PEX5L: variants seen among roughly 807,000 people sequenced by gnomAD.
PEX5L encodes peroxisomal biogenesis factor 5 like.
Under a neutral mutation model 84.0 loss-of-function variants are expected in PEX5L, and 30 were observed. That is an observed-to-expected ratio of 0.36 (90% CI 0.27 to 0.48). The LOEUF (loss-of-function observed/expected upper bound fraction) is 0.48. PEX5L is among the 20% of genes least tolerant of loss of function. PEX5L has a pLI of 0.99. For missense variants in PEX5L, 533 were observed against 754.6 expected (o/e 0.71, Z 3.44); for synonymous variants, 270 against 283.1 (o/e 0.95, Z 0.46).
chr3:179,899,834 GAT>G (rs1760712089), intron 2 of PEX5L, among the ~76,000 whole-genome samples: 1 of 152,080 alleles, frequency 6.6e-6, no homozygotes, highest in Non-Finnish European at 1.5e-5. Context: ...TTATTCAGCA[GAT>G]ATGTCAGTAG....
chr3:179,976,218 C>G (rs936119505), intron 1 of PEX5L, among the ~76,000 whole-genome samples: 13 of 152,158 alleles, frequency 8.5e-5, no homozygotes, highest in African/African-American at 3.1e-4. Context: ...TCAAAGGAAA[C>G]AGAGTTCTGA....
At chr3:179,845,236 A>AT (rs1163446060) in intron 8 of PEX5L, among the ~76,000 whole-genome samples, 4 of 152,116 alleles carry the variant, frequency 2.6e-5, no homozygotes, top group Non-Finnish European at 2.9e-5. Flanking sequence ...TTATTTATTC[A>AT]TTTTTTACTC....
At chr3:179,854,501 C>T (rs1163037438) in intron 8 of PEX5L, among the ~76,000 whole-genome samples, 1 of 152,168 alleles carries the variant, frequency 6.6e-6, no homozygotes, top group Non-Finnish European at 1.5e-5. Flanking sequence ...CTCTGACTGA[C>T]ATCAAGACCA....
chr3:179,916,061 T>C (rs1560688946), intron 2 of PEX5L, among the ~76,000 whole-genome samples: 2 of 152,192 alleles, frequency 1.3e-5, no homozygotes, highest in Non-Finnish European at 2.9e-5. Context: ...GTAGTAGTAA[T>C]GGTAGTAGTA....
chr3:179,859,243 C>A, intron 7 of PEX5L, 86 bp from the exon 8 acceptor site: 1 of 985,756 alleles, frequency 1.0e-6, no homozygotes, highest in South Asian at 1.4e-5. Context: ...TTTCCCATTT[C>A]ACTTCCCTAG....
chr3:179,894,115 T>A (rs532029690), intron 3 of PEX5L, among the ~76,000 whole-genome samples: 5 of 152,220 alleles, frequency 3.3e-5, no homozygotes, highest in Admixed American at 2.0e-4. Context: ...TTAGTCATAA[T>A]CTTATAATTG....
rs145598620 is a variant in PEX5L at position 179,878,377 on chromosome 3, G to T, written c.505+1552C>A. Among the ~76,000 whole-genome samples, 122 of 152,196 alleles carry T rather than the reference G, an allele frequency of 8.0e-4. 3 individuals are homozygous for T. The East Asian group carries it at 0.018, about 22-fold the overall frequency. On this transcript the variant is annotated intron_variant, in intron 5 of 14. Transcript: ENST00000467460. Reference sequence around the variant, plus strand: ...TTTCTCAATAAATCCACCAGAGAAGGATTTTTCTAAAATAGGAACTGTTGC... The same window carrying T: ...TTTCTCAATAAATCCACCAGAGAAGTATTTTTCTAAAATAGGAACTGTTGC...
intron 7 of PEX5L, among the ~76,000 whole-genome samples, chr3:179,871,012 C>G (rs1246806793): frequency 6.6e-6 from 1 of 151,738 alleles, no homozygotes; most frequent in Admixed American, 6.6e-5. Context: ...GGGTCTTCAC[C>G]TGTTGGGTCA....
intron 1 of PEX5L, among the ~76,000 whole-genome samples, chr3:180,005,260 A>ATT (rs150489637): frequency 1.3e-5 from 2 of 150,900 alleles, no homozygotes; most frequent in African/African-American, 4.9e-5. Context: ...AAAAGTTTTT[A>ATT]TTTTTTTTTG....
intron 1 of PEX5L, among the ~76,000 whole-genome samples, chr3:179,988,771 T>C (rs557447197): frequency 6.6e-5 from 10 of 152,318 alleles, no homozygotes; most frequent in Non-Finnish European, 8.8e-5. Context: ...TGAAGATACA[T>C]TTGTGGAGAC....
Position 179,880,098 on chromosome 3 carries a change from G to A in PEX5L, c.336C>T (p.Leu112=), listed in dbSNP as rs757126725. ...TAVLTTGLDL[L]DLSEPVSQTQ... ...TTTGAGAGACTGGTTCACTCAGGTC[G>A]AGGAGATCTAAGCCAGTGGTCAATA... The change falls in exon 5 of 15, where the codon CTC becomes CTT. Residue 112 remains leucine, a synonymous_variant. Transcript: ENST00000467460. 2.5e-6 allele frequency: 4 copies of A among 1,611,042 alleles called. No homozygotes were observed. The highest frequency in any genetic ancestry group is 2.2e-5 in the East Asian group (1 of 44,880).
intron 8 of PEX5L, among the ~76,000 whole-genome samples, chr3:179,835,022 G>A (rs1358886002): frequency 6.6e-6 from 1 of 152,198 alleles, no homozygotes; most frequent in Non-Finnish European, 1.5e-5. Flanking sequence ...GGCCTGTGAA[G>A]ATGGAGGCAG....
chr3:180,024,383 A>AT (rs1252297183), intron 1 of PEX5L, among the ~76,000 whole-genome samples: 1 of 110,010 alleles, frequency 9.1e-6, no homozygotes, highest in Non-Finnish European at 1.8e-5. Flanking sequence ...TACACACACA[A>AT]AAAAAAAAAA....
intron 11 of PEX5L, among the ~76,000 whole-genome samples, chr3:179,811,137 A>G (rs1723624014): frequency 6.6e-6 from 1 of 152,150 alleles, no homozygotes. Flanking sequence ...ACAATCTGAT[A>G]TTCCAAAGCT....
At chr3:179,882,170 C>A (rs551843975) in intron 4 of PEX5L, among the ~76,000 whole-genome samples, 62 of 152,268 alleles carry the variant, frequency 4.1e-4, no homozygotes, top group African/African-American at 1.5e-3. Flanking sequence ...ATTGTACAAA[C>A]AATTAAGAGT....
At chr3:179,997,038 C>T (rs1358608513) in intron 1 of PEX5L, among the ~76,000 whole-genome samples, 1 of 152,130 alleles carries the variant, frequency 6.6e-6, no homozygotes, top group Non-Finnish European at 1.5e-5. Context: ...AATTTTCAGA[C>T]TTGAGCCAGT....
chr3:179,968,184 C>T (rs1319756928), intron 2 of PEX5L, among the ~76,000 whole-genome samples: 2 of 152,124 alleles, frequency 1.3e-5, no homozygotes, highest in Non-Finnish European at 2.9e-5. Context: ...TTTAAGTCTA[C>T]TTGGAATTTG....
intron 2 of PEX5L, among the ~76,000 whole-genome samples, chr3:179,934,778 T>C (rs1774132595): frequency 6.6e-6 from 1 of 152,202 alleles, no homozygotes; most frequent in Non-Finnish European, 1.5e-5. Context: ...AATACTCTAA[T>C]TGTTTGGAAA....
In PEX5L at chr3:179,962,155, TCAGA is replaced by T. The variant is rs1454772020; in HGVS notation, c.93+9435_93+9438del. Among the ~76,000 whole-genome samples the T allele has an allele frequency of 5.5e-5, 4 of 72,308 alleles. No individual in the cohort carries two copies. The East Asian group carries it at 7.5e-3, about 135-fold the overall frequency. 47.4% of individuals were successfully genotyped at this position (72,308 alleles called of 152,430 possible). The stretch of plus-strand genomic sequence containing the variant: ...ATAAACATCTTTTTATAAAAATCTA[TCAGA>T]CAAATAGACTTTTAGCTGTGCACTT... On this transcript the variant is annotated intron_variant, in intron 2 of 14. Coordinates refer to ENST00000467460, the MANE Select transcript of PEX5L (RefSeq NM_016559.3).
Sources: gnomAD v4.1 joint callset for allele counts (sites outside exome capture counted in the v4.1 genomes callset) on GRCh38, gnomAD v4.1.1 for gene constraint, MANE v1.5 for transcripts, NCBI Gene and HGNC (gene_info 2026-07-23, HGNC 2026-07-21) for gene names.